RALY: variants seen among roughly 807,000 people sequenced by gnomAD.
RALY encodes RNA-binding protein Raly.
A neutral mutation model predicts 30.7 loss-of-function variants in RALY; 15 were observed. That is an observed-to-expected ratio of 0.49 (90% CI 0.33 to 0.75). RALY has a LOEUF of 0.75. RALY is among the 30% of genes least tolerant of loss of function. The pLI, the probability that RALY is intolerant of heterozygous loss-of-function variation, is 0.02. For synonymous variants in RALY, 177 were observed against 170.8 expected, an observed-to-expected ratio of 1.04 and a Z score of -0.28; for missense variants, 339 against 414.3, an observed-to-expected ratio of 0.82 and a Z score of 1.58.
chr20:34,080,438 A>G lies in RALY; in HGVS notation c.*533A>G, dbSNP rs4911148. ...GGGTTGGATATGCTGGCCCATGAGC[A>G]TCTTGCTGGCTGAAGTGTCAAGCAG... On this transcript the variant is annotated 3_prime_UTR_variant, in exon 10 of 10. Transcript: ENST00000246194. The G allele has an allele frequency of 0.52, 79,679 of 152,134 alleles. 23,049 individuals are homozygous for G. The highest frequency in any genetic ancestry group is 0.75 in the South Asian group (3,589 of 4,806). The allele number at this position is 152,134 out of a possible 1,614,324, so 9.4% of individuals were successfully genotyped here.
intron 3 of RALY, among the ~76,000 whole-genome samples, chr20:34,073,355 C>T (rs1278422866): frequency 3.9e-5 from 6 of 151,942 alleles, no homozygotes; most frequent in African/African-American, 1.5e-4. Context: ...AGTGTATGGA[C>T]ATATAAACAG....
At chr20:34,065,832 G>A (rs572495947) in intron 2 of RALY, among the ~76,000 whole-genome samples, 2 of 152,346 alleles carry the variant, frequency 1.3e-5, no homozygotes, top group South Asian at 4.1e-4. Context: ...TAAGGCCAGA[G>A]GGGTCCAGCA....
At position 34,084,745 on chromosome 20, in the gene RALY, A is replaced by C. The variant is rs2034076782; in HGVS notation, c.*4840A>C. ...TACATGTTCAGCTGACAGCAGTATC[A>C]AATGTCAGACATGAGAGAGGAAGGC... On this transcript the variant is annotated 3_prime_UTR_variant, in exon 10 of 10. Transcript: ENST00000246194. The C allele has an allele frequency of 6.6e-6, 1 of 152,348 alleles. No individual in the cohort carries two copies. Among genetic ancestry groups the C allele is most frequent in the African/African-American group, 2.4e-5 (1 of 41,452 alleles). The allele number at this position is 152,348 out of a possible 1,614,324, so 9.4% of individuals were successfully genotyped here.
At chr20:34,063,928 C>G (rs2033491304) in intron 2 of RALY, among the ~76,000 whole-genome samples, 1 of 151,918 alleles carries the variant, frequency 6.6e-6, no homozygotes, top group Non-Finnish European at 1.5e-5. Flanking sequence ...GCACGTGTGC[C>G]TTGTGGCCAT....
At position 34,035,152 on chromosome 20, in the gene RALY, CAAAAAAAAAAAAAAAAAAAA is replaced by C. The variant is rs61301033; in HGVS notation, c.-10+3564_-10+3583del. Among the ~76,000 whole-genome samples the C allele has an allele frequency of 2.7e-3, 89 of 32,528 alleles. 2 individuals carry two copies. In the South Asian group the frequency reaches 0.07, roughly 25 times the overall value. The allele number at this position is 32,528 out of a possible 152,430, so 21.3% of individuals were successfully genotyped here. On this transcript the variant is annotated intron_variant, in intron 2 of 9. Transcript: ENST00000246194. The stretch of plus-strand genomic sequence containing the variant: ...TGGGCGACAGAGCGAGACTCCATCT[CAAAAAAAAAAAAAAAAAAAA>C]AAAAAAAAAAAAAAACAGTCTGGAG...
intron 2 of RALY, among the ~76,000 whole-genome samples, chr20:34,054,020 C>G (rs2123185757): frequency 6.6e-6 from 1 of 152,248 alleles, no homozygotes; most frequent in South Asian, 2.1e-4. Flanking sequence ...ACAATGATGC[C>G]AGTGACCCCC....
At chr20:34,005,750 C>CA (rs758798864) in intron 1 of RALY, among the ~76,000 whole-genome samples, 27 of 152,178 alleles carry the variant, frequency 1.8e-4, no homozygotes, top group Non-Finnish European at 5.9e-5. Context: ...GAAACTGAGA[C>CA]AAAGGGAGGT....
chr20:34,014,277 G>T (rs916541219), intron 1 of RALY, among the ~76,000 whole-genome samples: 1 of 152,136 alleles, frequency 6.6e-6, no homozygotes, highest in African/African-American at 2.4e-5. Context: ...CTGGCAGTTG[G>T]ATTCAGGGAA....
intron 2 of RALY, among the ~76,000 whole-genome samples, chr20:34,055,364 C>G (rs2033209844): frequency 6.6e-6 from 1 of 152,206 alleles, no homozygotes; most frequent in African/African-American, 2.4e-5. Flanking sequence ...ATACTGCCTT[C>G]CTGTCTCTCT....
At chr20:34,025,023 G>A (rs1230100892) in intron 1 of RALY, among the ~76,000 whole-genome samples, 2 of 152,206 alleles carry the variant, frequency 1.3e-5, no homozygotes, top group Non-Finnish European at 2.9e-5. Context: ...TTGGCTTGTG[G>A]GACAAGGGCT....
chr20:34,039,081 C>A (rs772406937), intron 2 of RALY, among the ~76,000 whole-genome samples: 4 of 152,150 alleles, frequency 2.6e-5, no homozygotes, highest in Non-Finnish European at 5.9e-5. Context: ...TCTGTGTCTC[C>A]AAAGGCGCAT....
At chr20:34,072,396 C>T in intron 3 of RALY, 66 bp downstream of exon 3, 1 of 1,522,998 alleles carries the variant, frequency 6.6e-7, no homozygotes, top group South Asian at 1.2e-5. Context: ...ATCCAGTTCT[C>T]AACCCCCTTC....
intron 1 of RALY, among the ~76,000 whole-genome samples, chr20:34,014,021 G>A (rs758959990): frequency 5.3e-5 from 8 of 152,156 alleles, no homozygotes; most frequent in Non-Finnish European, 1.2e-4. Context: ...GCTTAAATAA[G>A]CAGCAAAAGG....
At chr20:34,051,618 CAG>C (rs1237389842) in intron 2 of RALY, among the ~76,000 whole-genome samples, 1 of 152,036 alleles carries the variant, frequency 6.6e-6, no homozygotes, top group Non-Finnish European at 1.5e-5. Flanking sequence ...GTTTTTGAGA[CAG>C]AGTCTCGCTC....
At chr20:34,022,585 T>G (rs1006915841) in intron 1 of RALY, among the ~76,000 whole-genome samples, 10 of 152,260 alleles carry the variant, frequency 6.6e-5, no homozygotes, top group Admixed American at 2.0e-4. Context: ...ACTTTGTAAG[T>G]GCCACTTGAT....
intron 6 of RALY, chr20:34,076,319 G>T: frequency 1.9e-6 from 1 of 523,350 alleles, no homozygotes; most frequent in Non-Finnish European, 3.4e-6. Context: ...GGTCTACCCA[G>T]GCCCATTACT....
chr20:33,995,854 T>A (rs1019666794), intron 1 of RALY, among the ~76,000 whole-genome samples: 2 of 152,214 alleles, frequency 1.3e-5, no homozygotes, highest in Admixed American at 1.3e-4. Context: ...CAGTAATATT[T>A]TTATTTCTCC....
chr20:34,017,805 A>G (rs2031665855), intron 1 of RALY: 1 of 152,246 alleles, frequency 6.6e-6, no homozygotes, highest in African/African-American at 2.4e-5. Context: ...GTCATTCAAC[A>G]GATACTTGTT....
In RALY at chr20:34,073,730, C is replaced by CT; in HGVS notation, c.330-87dup. The CT allele has an allele frequency of 9.0e-6, 14 of 1,548,356 alleles. No individual in the cohort carries two copies. The South Asian group carries it at 1.6e-4, about 17-fold the overall frequency. ...GTGTGACAGTGTGCTGAATCTAGAA[C>CT]TTGGGGAGGTGTCTGGAGATGAGGG... On this transcript the variant is annotated intron_variant, in intron 4 of 9. Transcript: ENST00000246194.
Sources: gnomAD v4.1 joint callset for allele counts (sites outside exome capture counted in the v4.1 genomes callset) on GRCh38, gnomAD v4.1.1 for gene constraint, MANE v1.5 for transcripts, NCBI Gene and HGNC (gene_info 2026-07-23, HGNC 2026-07-21) for gene names.